Variants in MYL12B observed in about 807,000 individuals in gnomAD.
MYL12B encodes the protein myosin regulatory light chain 12B.
MYL12B carries 3 observed loss-of-function variants against 12.9 expected under a neutral mutation model. That is an observed-to-expected ratio of 0.23 (90% CI 0.11 to 0.60). The LOEUF (loss-of-function observed/expected upper bound fraction) is 0.60, where lower values mean the gene tolerates loss of function less well. Among genes scored for constraint, MYL12B ranks in the 20% least tolerant of loss-of-function variants. The pLI, the probability that MYL12B is intolerant of heterozygous loss-of-function variation, is 0.89. For missense variants in MYL12B, 120 were observed against 215.4 expected (o/e 0.56, Z 2.77); for synonymous variants, 57 against 71.9 (o/e 0.79, Z 1.05).
intron 1 of MYL12B, chr18:3,272,235 TG>T (rs2081685287): frequency 6.3e-6 from 1 of 159,010 alleles, no homozygotes; most frequent in Non-Finnish European, 7.0e-6. Flanking sequence ...GTAGATATCA[TG>T]TTTTACTGAT....
intron 3 of MYL12B, 123 bp from the exon 4 acceptor site, chr18:3,277,642 A>T (rs950962314): frequency 2.6e-5 from 34 of 1,330,690 alleles, no homozygotes; most frequent in Non-Finnish European, 2.8e-5. Context: ...TAGTTCACTA[A>T]CTTACTTTGT....
intron 1 of MYL12B, among the ~76,000 whole-genome samples, chr18:3,265,253 T>A (rs1196971650): frequency 6.6e-6 from 1 of 152,232 alleles, no homozygotes; most frequent in Non-Finnish European, 1.5e-5. Context: ...GTTACTTTTG[T>A]GAAGTATTTT....
rs937220428 is a variant in MYL12B, at chr18:3,277,692, C to T, written c.347-73C>T. 1.7e-5 allele frequency: 25 copies of T among 1,498,374 alleles called. No homozygotes were observed. In the African/African-American group the frequency reaches 3.1e-4, roughly 19 times the overall value. 92.8% of individuals were successfully genotyped at this position (1,498,374 alleles called of 1,614,324 possible). On this transcript the variant is annotated intron_variant, in intron 3 of 3. Coordinates refer to ENST00000237500, the MANE Select transcript of MYL12B (RefSeq NM_033546.4). ...ATTCTGAAATATTTTATACGATTGA[C>T]AAGCTTTAGGAATGAACCATCAAAG...
chr18:3,263,119 T>G (rs1292332718), intron 1 of MYL12B: 6 of 152,028 alleles, frequency 3.9e-5, no homozygotes, highest in Non-Finnish European at 7.4e-5. Context: ...TGACTAATAG[T>G]CGGAAATAAG....
In MYL12B at chr18:3,278,284, A is replaced by T. The variant is rs915124700; in HGVS notation, c.*347A>T. The T allele has an allele frequency of 5.4e-6, 1 of 183,494 alleles. No individual in the cohort carries two copies. The highest frequency in any genetic ancestry group is 2.4e-5 in the African/African-American group (1 of 41,860). 11.4% of individuals were successfully genotyped at this position (183,494 alleles called of 1,614,324 possible). A position where few individuals can be genotyped will look rare whatever the true frequency, so the allele number is the denominator to read the frequency against. On this transcript the variant is annotated 3_prime_UTR_variant, in exon 4 of 4. Transcript: ENST00000237500. ...ATTATGCTGACTCAAATGCAATGTA[A>T]TGGCAAGTTAAACAAATGATTGATA...
rs111883060 is a variant in MYL12B at position 3,269,361 on chromosome 18, A to T, written c.-15-3523A>T. On this transcript the variant is annotated intron_variant, in intron 1 of 3. Coordinates refer to ENST00000237500, the MANE Select transcript of MYL12B (RefSeq NM_033546.4). ...ATATTTTACACAAGAGATAATGAGG[A>T]TCCAGTTTAGGGTGATGACAGAGGA... 2.3e-3 allele frequency among the ~76,000 whole-genome samples: 356 copies of T among 152,232 alleles called. 4 individuals carry two copies. The highest frequency in any genetic ancestry group is 8.2e-3 in the African/African-American group (342 of 41,534).
chr18:3,269,512 G>A lies in MYL12B; in HGVS notation c.-15-3372G>A, dbSNP rs548249827. On this transcript the variant is annotated intron_variant, in intron 1 of 3. Coordinates refer to ENST00000237500, the MANE Select transcript of MYL12B (RefSeq NM_033546.4). ...GGGTAGATGATTGGAAACAAAGATGGTAAAGTTCAGGAGGGGAGAGATAAT... is the reference window on the plus strand; with the variant it reads ...GGGTAGATGATTGGAAACAAAGATGATAAAGTTCAGGAGGGGAGAGATAAT... Among the ~76,000 whole-genome samples, 98 of 152,248 alleles carry A rather than the reference G, an allele frequency of 6.4e-4. No individual in the cohort carries two copies. The Middle Eastern group carries it at 0.01, about 16-fold the overall frequency.
intron 1 of MYL12B, among the ~76,000 whole-genome samples, chr18:3,268,238 T>C (rs1157172768): frequency 6.6e-6 from 1 of 152,244 alleles, no homozygotes; most frequent in African/African-American, 2.4e-5. Flanking sequence ...TAGTTCACTT[T>C]GTATTAGAAA....
chr18:3,262,995 G>C (rs2081606472), intron 1 of MYL12B: 1 of 152,228 alleles, frequency 6.6e-6, no homozygotes, highest in Admixed American at 6.5e-5. Context: ...GGAGAACTTA[G>C]CGTTTCCGGC....
At chr18:3,277,074 G>A (rs1328190797) in intron 2 of MYL12B, 179 bp from the exon 3 acceptor site, 2 of 939,440 alleles carry the variant, frequency 2.1e-6, no homozygotes, top group Non-Finnish European at 2.5e-6. Context: ...TTATAATGAT[G>A]TATCCAATAT....
At chr18:3,268,083 GCTAA>G (rs1157942553) in intron 1 of MYL12B, among the ~76,000 whole-genome samples, 1 of 152,164 alleles carries the variant, frequency 6.6e-6, no homozygotes, top group African/African-American at 2.4e-5. Flanking sequence ...GATATGGAGG[GCTAA>G]CTGTATGGGT....
chr18:3,270,284 A>G (rs1385740233), intron 1 of MYL12B, among the ~76,000 whole-genome samples: 2 of 152,228 alleles, frequency 1.3e-5, no homozygotes, highest in African/African-American at 4.8e-5. Flanking sequence ...TATAGGTACC[A>G]TATACGTATA....
chr18:3,262,988 G>T (rs553200325), intron 1 of MYL12B: 1 of 152,262 alleles, frequency 6.6e-6, no homozygotes, highest in South Asian at 2.1e-4. Context: ...TTAAGAGGGA[G>T]AACTTAGCGT....
At chr18:3,272,767 A>G in intron 1 of MYL12B, 117 bp from the exon 2 acceptor site, 1 of 924,948 alleles carries the variant, frequency 1.1e-6, no homozygotes, top group Non-Finnish European at 1.5e-6. Context: ...TACCCAATTG[A>G]AGTAATAATT....
chr18:3,264,651 A>G (rs1206381174), intron 1 of MYL12B, among the ~76,000 whole-genome samples: 2 of 152,244 alleles, frequency 1.3e-5, no homozygotes, highest in East Asian at 3.8e-4. Context: ...TCAAGGCTAC[A>G]GTGAACTATG....
chr18:3,274,294 C>T (rs2081709973), intron 2 of MYL12B, among the ~76,000 whole-genome samples: 1 of 152,180 alleles, frequency 6.6e-6, no homozygotes, highest in Admixed American at 6.5e-5. Context: ...ATAATAGATG[C>T]TCAATAGATA....
chr18:3,270,185 A>T (rs2081665920), intron 1 of MYL12B, among the ~76,000 whole-genome samples: 1 of 152,138 alleles, frequency 6.6e-6, no homozygotes. Flanking sequence ...AGAGGGTGGT[A>T]ATTTCTTTGG....
chr18:3,263,309 G>T (rs1276031399), intron 1 of MYL12B, among the ~76,000 whole-genome samples: 1 of 152,200 alleles, frequency 6.6e-6, no homozygotes, highest in East Asian at 1.9e-4. Flanking sequence ...TGGTCTTTTG[G>T]TAAGAGAAGA....
Position 3,277,882 on chromosome 18 carries a change from A to G in MYL12B, c.464A>G (p.Asn155Ser), listed in dbSNP as rs1329550019. Reference sequence around the variant, plus strand: ...CCTATTGACAAAAAGGGGAATTTCAATTACATCGAGTTCACACGCATCCTG... The same window carrying G: ...CCTATTGACAAAAAGGGGAATTTCAGTTACATCGAGTTCACACGCATCCTG... ...EAPIDKKGNF[N>S]YIEFTRILKH... Residue 155 changes from asparagine to serine, a missense_variant, in exon 4 of 4, where the codon AAT becomes AGT. Transcript: ENST00000237500. 3.4e-5 allele frequency: 55 copies of G among 1,614,036 alleles called. No homozygotes were observed. The highest frequency in any genetic ancestry group is 5.5e-5 in the South Asian group (5 of 91,082).
Sources: gnomAD v4.1 joint callset for allele counts (sites outside exome capture counted in the v4.1 genomes callset) on GRCh38, gnomAD v4.1.1 for gene constraint, MANE v1.5 for transcripts, NCBI Gene and HGNC (gene_info 2026-07-23, HGNC 2026-07-21) for gene names.